Variants in CETN3 observed in about 807,000 individuals in gnomAD.
The protein encoded by CETN3 is centrin 3.
In CETN3, 17 loss-of-function variants were observed where a neutral mutation model predicts 20.1. The observed-to-expected ratio is 0.85, with a 90% CI of 0.58 to 1.27. The LOEUF (loss-of-function observed/expected upper bound fraction) is 1.27, where lower values mean the gene tolerates loss of function less well. Among genes scored for constraint, CETN3 ranks in the 50% most tolerant of loss-of-function variants. CETN3 has a pLI of 0.00. For missense variants in CETN3, 169 were observed against 191.2 expected (o/e 0.88, Z 0.69); for synonymous variants, 52 against 59.7 (o/e 0.87, Z 0.59).
chr5:90,393,979 T>G lies in CETN3; in HGVS notation c.*85A>C, dbSNP rs1056102897. 1.0e-5 allele frequency: 9 copies of G among 885,662 alleles called. No homozygotes were observed. The highest frequency in any genetic ancestry group is 1.6e-5 in the Non-Finnish European group (9 of 548,038). 54.9% of individuals were successfully genotyped at this position (885,662 alleles called of 1,614,324 possible). On this transcript the variant is annotated 3_prime_UTR_variant, in exon 5 of 5. Transcript: ENST00000283122. Reference sequence around the variant, plus strand: ...GGTCCTTTAGGATAAAAGAACTAAGTTGGTTTTTTTCACATGGCTCCAGGC... The same window carrying G: ...GGTCCTTTAGGATAAAAGAACTAAGGTGGTTTTTTTCACATGGCTCCAGGC...
intron 4 of CETN3, 75 bp downstream of exon 4, chr5:90,399,283 C>A: frequency 7.3e-7 from 1 of 1,378,520 alleles, no homozygotes; most frequent in Non-Finnish European, 1.0e-6. Flanking sequence ...TCTTGCAAGT[C>A]ATTTGGTTTT....
chr5:90,394,141 T>C, intron 4 of CETN3, 34 bp from the exon 5 acceptor site: 1 of 1,400,990 alleles, frequency 7.1e-7, no homozygotes. Context: ...TAGTCAGAAA[T>C]ATAAACATTT....
rs779926691 is a variant in CETN3, at chr5:90,409,638, T to C, written c.17+7A>G. On this transcript the variant is annotated splice_region_variant and intron_variant, in intron 1 of 4. Transcript: ENST00000283122. The stretch of plus-strand genomic sequence containing the variant: ...GTGGAGAGCACTGCCGCCTCCTTAT[T>C]ACCGACCTCAGAGCTAAACTCATTA... The C allele has an allele frequency of 1.2e-6, 2 of 1,613,914 alleles. No individual in the cohort carries two copies. The highest frequency in any genetic ancestry group is 4.5e-5 in the East Asian group (2 of 44,868).
In CETN3 at chr5:90,399,699, C is replaced by G. The variant is rs533185720; in HGVS notation, c.269-150G>C. ...AATGTCAAATGAGATCCCCAAACCC[C>G]GAGATAAACCTGAAATTAGAAAAAT... On this transcript the variant is annotated intron_variant, in intron 3 of 4. Transcript: ENST00000283122. 3.1e-4 allele frequency: 195 copies of G among 619,182 alleles called. 1 individual carries two copies. In the South Asian group the frequency reaches 4.4e-3, roughly 14 times the overall value. The allele number at this position is 619,182 out of a possible 1,614,324, so 38.4% of individuals were successfully genotyped here. A position where few individuals can be genotyped will look rare whatever the true frequency, so the allele number is the denominator to read the frequency against.
At chr5:90,407,602 TTTAG>T (rs1410174178) in intron 2 of CETN3, 93 bp downstream of exon 2, 17 of 912,096 alleles carry the variant, frequency 1.9e-5, no homozygotes, top group South Asian at 3.9e-5. Context: ...CCAAAACCAA[TTTAG>T]TTAAAATAAT....
chr5:90,408,334 C>G (rs1366822317), intron 1 of CETN3, among the ~76,000 whole-genome samples: 1 of 152,120 alleles, frequency 6.6e-6, no homozygotes, highest in East Asian at 1.9e-4. Context: ...AGTGAATTAA[C>G]TTATACAGTA....
rs1179610800 is a variant in CETN3, at chr5:90,399,449, C to T, written c.369G>A (p.Leu123=). ...CACCCAATTCTCTAGCAACACGTCG[C>T]AAATTCCTCAAGCTTATTTTACCTG... is the stretch of plus-strand genomic sequence containing the variant. The part of the protein sequence containing the change: ...DDSGKISLRN[L]RRVARELGEN... The change falls in exon 4 of 5, where the codon TTG becomes TTA. Residue 123 remains leucine (L), a synonymous_variant. Transcript: ENST00000283122. The T allele has an allele frequency of 6.2e-7, 1 of 1,613,990 alleles. No homozygotes were observed. Among genetic ancestry groups the T allele is most frequent in the Admixed American group, 1.7e-5 (1 of 60,020 alleles).
chr5:90,401,881 G>A (rs550401214), intron 3 of CETN3, among the ~76,000 whole-genome samples: 2 of 152,052 alleles, frequency 1.3e-5, no homozygotes, highest in East Asian at 1.9e-4. Context: ...ACAAGGTCTC[G>A]CTCTGTTGCC....
At position 90,409,734 on chromosome 5, in the gene CETN3, G is replaced by A; in HGVS notation, c.-73C>T. Reference sequence around the variant, plus strand: ...TACCCAAGGCAGCAAGACGCCCACAGCCGTTCAACAGACACGAACGACCTC... The same window carrying A: ...TACCCAAGGCAGCAAGACGCCCACAACCGTTCAACAGACACGAACGACCTC... On this transcript the variant is annotated 5_prime_UTR_variant, in exon 1 of 5. Coordinates refer to ENST00000283122, the MANE Select transcript of CETN3 (RefSeq NM_004365.4). 2 of 1,580,920 alleles carry A rather than the reference G, an allele frequency of 1.3e-6. No homozygotes were observed. The highest frequency in any genetic ancestry group is 8.7e-7 in the Non-Finnish European group (1 of 1,150,256).
rs894436589 is a variant in CETN3 at position 90,393,193 on chromosome 5, C to G, written c.*871G>C. 2.1e-4 allele frequency: 32 copies of G among 152,296 alleles called. No individual in the cohort carries two copies. Among genetic ancestry groups the G allele is most frequent in the African/African-American group, 7.7e-4 (32 of 41,564 alleles). The allele number at this position is 152,296 out of a possible 1,614,324, so 9.4% of individuals were successfully genotyped here. The stretch of plus-strand genomic sequence containing the variant: ...CTACTATTTCCTGGTGAATCACAGA[C>G]TGTTCCTTCATATAGGTAAAACATA... On this transcript the variant is annotated 3_prime_UTR_variant, in exon 5 of 5. Coordinates refer to ENST00000283122, the MANE Select transcript of CETN3 (RefSeq NM_004365.4).
intron 3 of CETN3, among the ~76,000 whole-genome samples, chr5:90,400,806 T>C (rs1316257651): frequency 6.6e-6 from 1 of 152,144 alleles, no homozygotes; most frequent in Non-Finnish European, 1.5e-5. Flanking sequence ...CCAAAAAGGC[T>C]TCCAAGTAAC....
At chr5:90,407,609 A>T in intron 2 of CETN3, 90 bp downstream of exon 2, 1 of 963,672 alleles carries the variant, frequency 1.0e-6, no homozygotes, top group Non-Finnish European at 1.4e-6. Flanking sequence ...CAATTTAGTT[A>T]AAATAATTAT....
At position 90,399,373 on chromosome 5, in the gene CETN3, C is replaced by T; in HGVS notation, c.445G>A (p.Asp149Asn). ...TAAAACTTACTTTCTCCATCACCAT[C>T]TTTGTCAAATTCTTCTATCATAGCT... ...LRAMIEEFDKDGDGEINQEEF... is the reference protein window; with the variant it reads ...LRAMIEEFDKNGDGEINQEEF... The change falls in exon 4 of 5, where the codon GAT (aspartate) becomes AAT (asparagine). Residue 149 changes from aspartate (D) to asparagine (N), a missense_variant. Physicochemically the swap from Asp to Asn is conservative, Grantham distance 23 (BLOSUM62 1). Coordinates refer to ENST00000283122, the MANE Select transcript of CETN3 (RefSeq NM_004365.4). 6.2e-7 allele frequency: 1 copy of T among 1,613,978 alleles called. No homozygotes were observed.
intron 1 of CETN3, among the ~76,000 whole-genome samples, chr5:90,408,190 A>G (rs1749513156): frequency 6.6e-6 from 1 of 152,148 alleles, no homozygotes; most frequent in African/African-American, 2.4e-5. Context: ...AAACAAAAAC[A>G]CGTTATCCTA....
chr5:90,405,550 CTGAG>C, intron 3 of CETN3, 131 bp downstream of exon 3: 2 of 573,092 alleles, frequency 3.5e-6, no homozygotes, highest in Non-Finnish European at 3.0e-6. Flanking sequence ...CAAAACAAAA[CTGAG>C]TAAGAGTCAC....
intron 3 of CETN3, among the ~76,000 whole-genome samples, chr5:90,402,462 T>G (rs561716023): frequency 6.6e-6 from 1 of 152,332 alleles, no homozygotes; most frequent in African/African-American, 2.4e-5. Flanking sequence ...AGTACCATTC[T>G]TTGTTGTTGC....
intron 4 of CETN3, among the ~76,000 whole-genome samples, chr5:90,394,894 C>T (rs1749102562): frequency 6.6e-6 from 1 of 151,660 alleles, no homozygotes; most frequent in Non-Finnish European, 1.5e-5. Context: ...TTTTGAAAAC[C>T]CGACATATGC....
In CETN3 at chr5:90,409,726, C is replaced by T; in HGVS notation, c.-65G>A. The T allele has an allele frequency of 6.3e-7, 1 of 1,596,860 alleles. No homozygotes were observed. The highest frequency in any genetic ancestry group is 8.6e-7 in the Non-Finnish European group (1 of 1,164,712). ...TAACCCCCTACCCAAGGCAGCAAGA[C>T]GCCCACAGCCGTTCAACAGACACGA... On this transcript the variant is annotated 5_prime_UTR_variant, in exon 1 of 5. Coordinates refer to ENST00000283122, the MANE Select transcript of CETN3 (RefSeq NM_004365.4).
At chr5:90,405,527 A>G in intron 3 of CETN3, 158 bp downstream of exon 3, 3 of 559,992 alleles carry the variant, frequency 5.4e-6, no homozygotes, top group East Asian at 3.1e-5. Context: ...TTTTTCTTTG[A>G]AAAAAAAACC....
Sources: allele counts gnomAD v4.1 joint callset (sites outside exome capture counted in the v4.1 genomes callset), GRCh38; gene constraint gnomAD v4.1.1; transcripts MANE v1.5; gene names NCBI Gene and HGNC (gene_info 2026-07-23, HGNC 2026-07-21).